The following ERP44 variants were observed in gnomAD, a reference collection of about 807,000 sequenced individuals.
ERP44 encodes endoplasmic reticulum resident protein 44.
Under a neutral mutation model 53.4 loss-of-function variants are expected in ERP44, and 25 were observed. The observed-to-expected ratio is 0.47, with a 90% CI of 0.34 to 0.65. ERP44 has a LOEUF of 0.65. Among genes scored for constraint, ERP44 ranks in the 30% least tolerant of loss-of-function variants. The pLI, the probability that ERP44 is intolerant of heterozygous loss-of-function variation, is 0.01. For missense variants in ERP44, 338 were observed against 493.2 expected, an observed-to-expected ratio of 0.69 and a Z score of 2.98; for synonymous variants, 145 against 161.2, an observed-to-expected ratio of 0.90 and a Z score of 0.76.
intron 3 of ERP44, among the ~76,000 whole-genome samples, chr9:100,056,193 C>A (rs1826086969): frequency 6.6e-6 from 1 of 152,084 alleles, no homozygotes; most frequent in African/African-American, 2.4e-5. Context: ...ACTTCAATCC[C>A]CTGGATCTCA....
chr9:100,057,599 C>A (rs1000543601), intron 3 of ERP44, among the ~76,000 whole-genome samples: 3 of 152,132 alleles, frequency 2.0e-5, no homozygotes, highest in Non-Finnish European at 4.4e-5. Context: ...TTATATGTTA[C>A]TTGTTTTAAG....
chr9:100,065,197 CTG>C (rs1296156388), intron 1 of ERP44, among the ~76,000 whole-genome samples: 1 of 152,128 alleles, frequency 6.6e-6, no homozygotes, highest in Admixed American at 6.5e-5. Context: ...TATATTTTTA[CTG>C]TGTCTTTTCT....
At chr9:100,002,854 C>G (rs1830392550) in intron 10 of ERP44, among the ~76,000 whole-genome samples, 1 of 152,190 alleles carries the variant, frequency 6.6e-6, no homozygotes, top group African/African-American at 2.4e-5. Flanking sequence ...GATACTTATA[C>G]CTTTCCTCAG....
chr9:100,009,173 G>A (rs1830447371), intron 8 of ERP44, among the ~76,000 whole-genome samples: 2 of 152,120 alleles, frequency 1.3e-5, no homozygotes, highest in Admixed American at 6.5e-5. Context: ...GTGCACTAGT[G>A]CAATCTTGGC....
At chr9:100,039,204 G>C (rs1825876761) in intron 4 of ERP44, among the ~76,000 whole-genome samples, 1 of 152,132 alleles carries the variant, frequency 6.6e-6, no homozygotes, top group Non-Finnish European at 1.5e-5. Context: ...GATATTTACA[G>C]AACATTTCAT....
At chr9:100,078,749 A>G (rs1438377156) in intron 1 of ERP44, among the ~76,000 whole-genome samples, 1 of 152,074 alleles carries the variant, frequency 6.6e-6, no homozygotes, top group Non-Finnish European at 1.5e-5. Context: ...GCAAGACTTC[A>G]TCTCAAAAAA....
intron 10 of ERP44, among the ~76,000 whole-genome samples, chr9:99,997,300 T>C (rs1181077854): frequency 6.6e-6 from 1 of 152,174 alleles, no homozygotes; most frequent in Non-Finnish European, 1.5e-5. Flanking sequence ...CGCCAACATC[T>C]ACTTTTTAAA....
chr9:99,999,421 A>G (rs1440562559), intron 10 of ERP44, among the ~76,000 whole-genome samples: 1 of 152,148 alleles, frequency 6.6e-6, no homozygotes, highest in Non-Finnish European at 1.5e-5. Context: ...CACCATTCTA[A>G]TATCTTTGAT....
At chr9:100,011,675 A>G (rs1830477995) in intron 8 of ERP44, among the ~76,000 whole-genome samples, 1 of 152,180 alleles carries the variant, frequency 6.6e-6, no homozygotes, top group South Asian at 2.1e-4. Flanking sequence ...CATATAAAAC[A>G]ACTACAATGA....
chr9:100,001,163 CCA>C (rs1270777630), intron 10 of ERP44, among the ~76,000 whole-genome samples: 2 of 151,954 alleles, frequency 1.3e-5, no homozygotes, highest in Non-Finnish European at 2.9e-5. Context: ...CAATTTACTC[CCA>C]GTTATTGATT....
intron 4 of ERP44, among the ~76,000 whole-genome samples, chr9:100,043,051 A>G (rs1254419514): frequency 6.6e-6 from 1 of 151,580 alleles, no homozygotes; most frequent in Non-Finnish European, 1.5e-5. Flanking sequence ...TGAGGTCAGG[A>G]AATCGAGACC....
chr9:100,049,789 T>C (rs1273857298), intron 4 of ERP44, among the ~76,000 whole-genome samples: 1 of 152,196 alleles, frequency 6.6e-6, no homozygotes, highest in Non-Finnish European at 1.5e-5. Flanking sequence ...TGAAAACATA[T>C]GTATAAAGAT....
At chr9:99,990,568 G>GTGTAA (rs1396667226) in intron 10 of ERP44, among the ~76,000 whole-genome samples, 1 of 151,832 alleles carries the variant, frequency 6.6e-6, no homozygotes, top group East Asian at 1.9e-4. Context: ...ACATGCCAAA[G>GTGTAA]TGTAAAGACC....
intron 10 of ERP44, among the ~76,000 whole-genome samples, chr9:99,997,178 G>A (rs1459177290): frequency 6.6e-6 from 1 of 152,142 alleles, no homozygotes; most frequent in African/African-American, 2.4e-5. Context: ...CGGGATTGCT[G>A]TATCAAATGG....
At chr9:100,095,792 G>A (rs1826620792) in intron 1 of ERP44, among the ~76,000 whole-genome samples, 1 of 152,008 alleles carries the variant, frequency 6.6e-6, no homozygotes, top group South Asian at 2.1e-4. Context: ...TAATCAAACT[G>A]CATGCCTCCA....
At chr9:100,057,894 G>A (rs1336354963) in intron 2 of ERP44, 35 bp from the exon 3 acceptor site, 1 of 1,495,790 alleles carries the variant, frequency 6.7e-7, no homozygotes, top group East Asian at 2.3e-5. Flanking sequence ...TAAGATATTT[G>A]TAATAATTTT....
chr9:100,068,656 G>C (rs1826263378), intron 1 of ERP44, among the ~76,000 whole-genome samples: 1 of 147,768 alleles, frequency 6.8e-6, no homozygotes, highest in African/African-American at 2.5e-5. Flanking sequence ...GCCCCGTCCG[G>C]GAGGGAGGTG....
At chr9:99,998,876 CTT>C (rs972061933) in intron 10 of ERP44, 10 of 1,567,070 alleles carry the variant, frequency 6.4e-6, no homozygotes, top group African/African-American at 2.7e-5. Context: ...AATGAGCTCT[CTT>C]GTCTTCGCCT....
chr9:100,034,337 T>C (rs1017913677), intron 4 of ERP44, among the ~76,000 whole-genome samples: 1 of 152,134 alleles, frequency 6.6e-6, no homozygotes, highest in Admixed American at 6.6e-5. Context: ...AGTTTACAAA[T>C]GACACGGCAA....
Sources: allele counts gnomAD v4.1 joint callset (sites outside exome capture counted in the v4.1 genomes callset), GRCh38; gene constraint gnomAD v4.1.1; transcripts MANE v1.5; gene names NCBI Gene and HGNC (gene_info 2026-07-23, HGNC 2026-07-21).